Variants in ZNF638 observed in about 807,000 individuals in gnomAD.
The protein encoded by ZNF638 is CTCL tumor antigen se33-1.
Under a neutral mutation model 195.6 loss-of-function variants are expected in ZNF638, and 46 were observed. The observed-to-expected ratio is 0.24, with a 90% CI of 0.19 to 0.30. ZNF638 has a LOEUF of 0.30. Among genes scored for constraint, ZNF638 ranks in the 10% least tolerant of loss-of-function variants. ZNF638 has a pLI of 1.00. For synonymous variants in ZNF638, 845 were observed against 772.0 expected (o/e 1.09, Z -1.57); for missense variants, 2,440 against 2,325.3 (o/e 1.05, Z -1.01).
intron 8 of ZNF638, among the ~76,000 whole-genome samples, chr2:71,373,442 T>A (rs1055192286): frequency 7.6e-6 from 1 of 131,778 alleles, no homozygotes; most frequent in Non-Finnish European, 1.6e-5. Context: ...TTTGAATTTT[T>A]TTTTTTTTTT....
At chr2:71,338,476 G>A (rs993020283) in intron 1 of ZNF638, among the ~76,000 whole-genome samples, 16 of 152,182 alleles carry the variant, frequency 1.1e-4, no homozygotes, top group East Asian at 5.8e-4. Context: ...AAAGCCCTAA[G>A]TTCCTAGCAC....
intron 17 of ZNF638, among the ~76,000 whole-genome samples, chr2:71,405,015 T>G (rs1456203028): frequency 6.6e-6 from 1 of 152,196 alleles, no homozygotes; most frequent in African/African-American, 2.4e-5. Flanking sequence ...TGTGATGTAA[T>G]TGGCAAGATT....
intron 1 of ZNF638, among the ~76,000 whole-genome samples, chr2:71,343,261 AAGT>A (rs2078792954): frequency 6.6e-6 from 1 of 152,198 alleles, no homozygotes; most frequent in Non-Finnish European, 1.5e-5. Context: ...TGAAACTAAA[AAGT>A]AGCCTGGTGA....
chr2:71,342,683 C>T (rs1558828557), intron 1 of ZNF638, among the ~76,000 whole-genome samples: 2 of 151,312 alleles, frequency 1.3e-5, no homozygotes, highest in East Asian at 1.9e-4. Flanking sequence ...TTTGTGCGTG[C>T]GTGTGTGTGT....
intron 17 of ZNF638, among the ~76,000 whole-genome samples, chr2:71,405,260 T>C (rs1399991444): frequency 1.3e-5 from 2 of 152,242 alleles, no homozygotes; most frequent in East Asian, 1.9e-4. Flanking sequence ...TCTCCTACTT[T>C]GCTTAGTTAA....
Position 71,348,832 on chromosome 2 carries a change from C to G in ZNF638, c.-123C>G. 2 of 1,603,942 alleles carry G rather than the reference C, an allele frequency of 1.2e-6. No individual in the cohort carries two copies. Among genetic ancestry groups the G allele is most frequent in the Non-Finnish European group, 1.7e-6 (2 of 1,177,674 alleles). ...CATTGCAAACCCACTTCTGTTGGGC[C>G]CATCTCCTTTGCACTTTGCTCAGAT... is the stretch of plus-strand genomic sequence containing the variant. On this transcript the variant is annotated 5_prime_UTR_variant, in exon 2 of 28. Coordinates refer to ENST00000264447, the MANE Select transcript of ZNF638 (RefSeq NM_014497.5).
intron 8 of ZNF638, among the ~76,000 whole-genome samples, chr2:71,371,744 T>C (rs1490446979): frequency 6.6e-6 from 1 of 152,022 alleles, no homozygotes; most frequent in Non-Finnish European, 1.5e-5. Context: ...CCTTATATAT[T>C]CTGGTTATTA....
chr2:71,411,276 G>A (rs2080216455), intron 20 of ZNF638, among the ~76,000 whole-genome samples: 3 of 150,658 alleles, frequency 2.0e-5, no homozygotes, highest in Admixed American at 2.0e-4. Flanking sequence ...GGGATTACAG[G>A]GATTAGCCAC....
At chr2:71,333,889 T>A (rs1436470452) in intron 1 of ZNF638, among the ~76,000 whole-genome samples, 2 of 152,234 alleles carry the variant, frequency 1.3e-5, no homozygotes, top group Non-Finnish European at 2.9e-5. Context: ...TAGCTGTTAC[T>A]TGTATTTCAA....
intron 8 of ZNF638, among the ~76,000 whole-genome samples, 199 bp downstream of exon 8, chr2:71,370,204 G>C (rs1003146965): frequency 6.6e-6 from 1 of 152,054 alleles, no homozygotes. Context: ...AAATAACGAC[G>C]ACTAGGAGAA....
chr2:71,371,737 T>C (rs1429858033), intron 8 of ZNF638, among the ~76,000 whole-genome samples: 1 of 151,988 alleles, frequency 6.6e-6, no homozygotes, highest in Non-Finnish European at 1.5e-5. Context: ...TTGAGTTCCT[T>C]ATATATTCTG....
Position 71,349,612 on chromosome 2 carries a change from A to G in ZNF638, c.658A>G (p.Thr220Ala), listed in dbSNP as rs1258274047. ...DYGHASKYGY[T>A]EDPLEVRIYD... ...TGGGCATGCAAGCAAATATGGCTAC[A>G]CAGAAGATCCACTTGAAGTACGTAT... is the stretch of plus-strand genomic sequence containing the variant. Residue 220 changes from threonine (T) to alanine (A), a missense_variant, in exon 2 of 28, where the codon ACA (threonine) becomes GCA (alanine). Thr to Ala is a moderately conservative substitution (Grantham distance 58, BLOSUM62 0). This residue lies in a region of ZNF638 where 305 missense variants were observed against 283.6 expected (regional missense o/e 1.08). Transcript: ENST00000264447. The G allele has an allele frequency of 1.2e-6, 2 of 1,614,106 alleles. No individual in the cohort carries two copies. The highest frequency in any genetic ancestry group is 1.7e-6 in the Non-Finnish European group (2 of 1,180,040).
intron 27 of ZNF638, chr2:71,433,536 G>A (rs2152611122): frequency 3.0e-6 from 1 of 329,264 alleles, no homozygotes; most frequent in East Asian, 5.6e-5. Context: ...CATTATTAAA[G>A]TAAGAAACTG....
chr2:71,363,923 A>T, intron 4 of ZNF638, 31 bp from the exon 5 acceptor site: 2 of 1,579,798 alleles, frequency 1.3e-6, no homozygotes, highest in Non-Finnish European at 1.7e-6. Context: ...TAAATTGCTG[A>T]TCACTTTCTT....
chr2:71,355,174 T>C (rs2079004335), intron 2 of ZNF638, among the ~76,000 whole-genome samples: 1 of 152,066 alleles, frequency 6.6e-6, no homozygotes. Context: ...TTCACAGTAG[T>C]GTCGATCTCC....
intron 5 of ZNF638, among the ~76,000 whole-genome samples, chr2:71,365,078 C>T (rs1421861796): frequency 6.6e-6 from 1 of 151,864 alleles, no homozygotes; most frequent in Non-Finnish European, 1.5e-5. Flanking sequence ...CTTTTTTTGC[C>T]ATTACTTTCA....
At chr2:71,422,750 C>T in intron 21 of ZNF638, 64 bp from the exon 22 acceptor site, 1 of 1,501,276 alleles carries the variant, frequency 6.7e-7, no homozygotes, top group Non-Finnish European at 9.0e-7. Context: ...GAATTCTCAT[C>T]ATAGTTTGAT....
chr2:71,390,752 C>G (rs954953509), intron 10 of ZNF638, among the ~76,000 whole-genome samples: 1 of 152,048 alleles, frequency 6.6e-6, no homozygotes, highest in Non-Finnish European at 1.5e-5. Context: ...TATTAGTTAT[C>G]AAAACTGGTC....
At chr2:71,383,721 G>A (rs546718681) in intron 10 of ZNF638, among the ~76,000 whole-genome samples, 10 of 146,724 alleles carry the variant, frequency 6.8e-5, no homozygotes, top group East Asian at 2.0e-4. Flanking sequence ...ACGGGTATGC[G>A]ACACTATGCC....
Sources: gnomAD v4.1 joint callset for allele counts (sites outside exome capture counted in the v4.1 genomes callset) on GRCh38, gnomAD v4.1.1 for gene constraint, gnomAD v4.1.1 regional missense constraint, MANE v1.5 for transcripts, NCBI Gene and HGNC (gene_info 2026-07-23, HGNC 2026-07-21) for gene names.